Variants in CTNND1 observed in about 807,000 individuals in gnomAD.
CTNND1 encodes the protein catenin delta 1.
In CTNND1, 16 loss-of-function variants were observed where a neutral mutation model predicts 112.1. That is an observed-to-expected ratio of 0.14 (90% confidence interval 0.10 to 0.22). CTNND1 has a LOEUF of 0.22. Among genes scored for constraint, CTNND1 ranks in the 10% least tolerant of loss-of-function variants. CTNND1 has a pLI of 1.00. For missense variants in CTNND1, 1,008 were observed against 1,257.0 expected, an observed-to-expected ratio of 0.80 and a Z score of 3.00; for synonymous variants, 420 against 446.5, an observed-to-expected ratio of 0.94 and a Z score of 0.75.
At chr11:57,810,280 T>G in intron 16 of CTNND1, 57 bp downstream of exon 16, 1 of 1,286,428 alleles carries the variant, frequency 7.8e-7, no homozygotes. Context: ...CCCAGGATAA[T>G]GCTTCTGTTT....
At chr11:57,803,846 G>A in intron 8 of CTNND1, 42 bp downstream of exon 8, 6 of 1,422,130 alleles carry the variant, frequency 4.2e-6, no homozygotes, top group East Asian at 2.5e-5. Flanking sequence ...GAATTTTTGA[G>A]GACTGACTTA....
At position 57,816,376 on chromosome 11, in the gene CTNND1, AT is replaced by A. The variant is rs1325445904; in HGVS notation, c.*72del. On this transcript the variant is annotated 3_prime_UTR_variant, in exon 21 of 21. Coordinates refer to ENST00000399050, the MANE Select transcript of CTNND1 (RefSeq NM_001085458.2). ...TTTTTGGTGGTGAAATTGACTGATG[AT>A]TTTCCTTTTTCTTCGCTGGACTATT... is the stretch of plus-strand genomic sequence containing the variant. 1.6e-5 allele frequency: 26 copies of A among 1,600,110 alleles called. No individual in the cohort carries two copies. Among genetic ancestry groups the A allele is most frequent in the Non-Finnish European group, 2.2e-5 (26 of 1,168,926 alleles).
chr11:57,790,423 G>A (rs1411481130), intron 2 of CTNND1, among the ~76,000 whole-genome samples: 4 of 143,352 alleles, frequency 2.8e-5, no homozygotes, highest in African/African-American at 1.0e-4. Context: ...TTGCATTGTC[G>A]CCCCAGCTGG....
At position 57,803,750 on chromosome 11, in the gene CTNND1, A is replaced by G. The variant is rs2062300624; in HGVS notation, c.1550A>G (p.Lys517Arg). The change falls in exon 8 of 21, where the codon AAG becomes AGG. Residue 517 changes from lysine to arginine, a missense_variant. Around this residue, in one of 5 missense-constraint regions of CTNND1, gnomAD observed 216 missense variants for 342.8 expected, o/e 0.63. Transcript: ENST00000399050. Reference sequence around the variant, plus strand: ...GAGCGGGAACCTAATGAAGACTGTAAGCCACGCCACATTGAGTGGGAATCG... The same window carrying G: ...GAGCGGGAACCTAATGAAGACTGTAGGCCACGCCACATTGAGTGGGAATCG... ...GWEREPNEDC[K>R]PRHIEWESVL... 1 of 1,613,254 alleles carries G rather than the reference A, an allele frequency of 6.2e-7. No individual in the cohort carries two copies. The highest frequency in any genetic ancestry group is 1.3e-5 in the African/African-American group (1 of 74,862).
chr11:57,789,177 T>C (rs1215253970), intron 2 of CTNND1, 22 bp downstream of exon 2: 18 of 1,381,136 alleles, frequency 1.3e-5, no homozygotes, highest in South Asian at 1.5e-5. Context: ...AATATGTTTA[T>C]TAAGAAGGAA....
chr11:57,797,842 CAAAAAAAAAA>C (rs771815069), intron 6 of CTNND1, among the ~76,000 whole-genome samples: 1 of 68,914 alleles, frequency 1.5e-5, no homozygotes, highest in African/African-American at 6.2e-5. Context: ...AACTCCACCT[CAAAAAAAAAA>C]AAAAAAAAAA....
intron 6 of CTNND1, among the ~76,000 whole-genome samples, chr11:57,800,431 C>A (rs2061884216): frequency 6.6e-6 from 1 of 152,048 alleles, no homozygotes; most frequent in Non-Finnish European, 1.5e-5. Context: ...CCATGCCCAG[C>A]TAATTTTTGT....
rs770230006 is a variant in CTNND1, at chr11:57,815,451, C to T, written c.2759C>T (p.Ser920Leu). ...GACCACAATAGAACACTGGATCGATCGGGGGATCTAGGCGACATGGAGCCA... is the reference window on the plus strand; with the variant it reads ...GACCACAATAGAACACTGGATCGATTGGGGGATCTAGGCGACATGGAGCCA... ...RGDHNRTLDR[S>L]GDLGDMEPLK... The change falls in exon 19 of 21, where the codon TCG (serine) becomes TTG (leucine). Residue 920 changes from serine (S) to leucine (L), a missense_variant. Transcript: ENST00000399050. The T allele has an allele frequency of 2.5e-5, 41 of 1,612,328 alleles. No homozygotes were observed. The highest frequency in any genetic ancestry group is 7.7e-5 in the South Asian group (7 of 90,792).
At position 57,818,563 on chromosome 11, in the gene CTNND1, C is replaced by G. The variant is rs963958283; in HGVS notation, c.*2255C>G. The G allele has an allele frequency of 8.5e-5, 13 of 152,384 alleles. No individual in the cohort carries two copies. The highest frequency in any genetic ancestry group is 2.7e-4 in the African/African-American group (11 of 41,400). The allele number at this position is 152,384 out of a possible 1,614,324, so 9.4% of individuals were successfully genotyped here. Reference sequence around the variant, plus strand: ...CCAGAGCAACCAGAAGGAGGTTATACCAGGATTTATTTTGAGCTCAGCCCC... The same window carrying G: ...CCAGAGCAACCAGAAGGAGGTTATAGCAGGATTTATTTTGAGCTCAGCCCC... On this transcript the variant is annotated 3_prime_UTR_variant, in exon 21 of 21. Coordinates refer to ENST00000399050, the MANE Select transcript of CTNND1 (RefSeq NM_001085458.2).
chr11:57,772,056 G>T (rs1047588530), intron 1 of CTNND1, among the ~76,000 whole-genome samples: 1 of 151,166 alleles, frequency 6.6e-6, no homozygotes, highest in Non-Finnish European at 1.5e-5. Context: ...TGAGTAGCTG[G>T]GACTATAGGC....
chr11:57,767,921 C>T (rs942361208), intron 1 of CTNND1, among the ~76,000 whole-genome samples: 1 of 151,344 alleles, frequency 6.6e-6, no homozygotes, highest in South Asian at 2.1e-4. Context: ...GCAACCTCTG[C>T]CTCCCGGGTT....
chr11:57,767,585 G>C (rs1200731282), intron 1 of CTNND1, among the ~76,000 whole-genome samples: 1 of 152,048 alleles, frequency 6.6e-6, no homozygotes, highest in Non-Finnish European at 1.5e-5. Context: ...AGTATGGATG[G>C]GGAGCTAGAC....
chr11:57,795,904 T>C (rs1195343288), intron 5 of CTNND1, among the ~76,000 whole-genome samples, 175 bp downstream of exon 5: 2 of 152,142 alleles, frequency 1.3e-5, no homozygotes, highest in East Asian at 1.9e-4. Flanking sequence ...TCTTATGGGA[T>C]AGGGAAGACA....
chr11:57,807,605 CAAAAAA>C (rs71470294), intron 12 of CTNND1, among the ~76,000 whole-genome samples: 20 of 29,218 alleles, frequency 6.8e-4, no homozygotes, highest in East Asian at 3.3e-3. Context: ...AACTCCGTCT[CAAAAAA>C]AAAAAAAAAA....
At chr11:57,762,500 C>T (rs1950070555) in intron 1 of CTNND1, among the ~76,000 whole-genome samples, 1 of 152,098 alleles carries the variant, frequency 6.6e-6, no homozygotes, top group African/African-American at 2.4e-5. Context: ...ACCGATGGTT[C>T]TTCATATGTT....
Position 57,804,030 on chromosome 11 carries a change from T to C in CTNND1, c.1604+226T>C, listed in dbSNP as rs1335912318. On this transcript the variant is annotated intron_variant, in intron 8 of 20. Transcript: ENST00000399050. ...TGTTCCCCACACATCCTCTTCACTT[T>C]TATGCCTCTTTGACTTTGTTCATCT... 3 of 369,528 alleles carry C rather than the reference T, an allele frequency of 8.1e-6. No individual in the cohort carries two copies. The Admixed American group carries it at 1.3e-4, about 16-fold the overall frequency. 22.9% of individuals were successfully genotyped at this position (369,528 alleles called of 1,614,324 possible).
chr11:57,805,160 A>T lies in CTNND1; in HGVS notation c.1722+380A>T, dbSNP rs11570205. Among the ~76,000 whole-genome samples, 959 of 152,284 alleles carry T rather than the reference A, an allele frequency of 6.3e-3. 8 individuals are homozygous for T. The highest frequency in any genetic ancestry group is 0.011 in the Non-Finnish European group (746 of 68,016). The stretch of plus-strand genomic sequence containing the variant: ...GTGATCCCCCTGCCTCAGCCTCCCA[A>T]AGCATTGGGATTACAGGCGTGAGCC... On this transcript the variant is annotated intron_variant, in intron 9 of 20. Transcript: ENST00000399050.
intron 1 of CTNND1, among the ~76,000 whole-genome samples, chr11:57,782,908 A>G (rs754246094): frequency 3.3e-5 from 5 of 152,208 alleles, no homozygotes; most frequent in Non-Finnish European, 7.3e-5. Context: ...TCTTAACGCA[A>G]ATCAGCTTCA....
chr11:57,776,414 ATG>A lies in CTNND1; in HGVS notation c.-213-12620_-213-12619del, dbSNP rs373059858. 2.0e-4 allele frequency among the ~76,000 whole-genome samples: 31 copies of A among 152,230 alleles called. No homozygotes were observed. In the East Asian group the frequency reaches 2.9e-3, roughly 14 times the overall value. ...TGAATTCTCAGGCACTCTTAATGCTATGTGGGATGTTGGCTAGTTGGAATGTA... is the reference window on the plus strand; with the variant it reads ...TGAATTCTCAGGCACTCTTAATGCTATGGGATGTTGGCTAGTTGGAATGTA... On this transcript the variant is annotated intron_variant, in intron 1 of 20. Coordinates refer to ENST00000399050, the MANE Select transcript of CTNND1 (RefSeq NM_001085458.2).
Sources: allele counts gnomAD v4.1 joint callset (sites outside exome capture counted in the v4.1 genomes callset), GRCh38; gene constraint gnomAD v4.1.1; regional missense constraint gnomAD v4.1.1; transcripts MANE v1.5; gene names NCBI Gene and HGNC (gene_info 2026-07-23, HGNC 2026-07-21).